Variants in CEP126 observed in about 807,000 individuals in gnomAD.
CEP126 encodes the protein centrosomal protein of 126 kDa.
CEP126 carries 74 observed loss-of-function variants against 107.8 expected under a neutral mutation model. That is an observed-to-expected ratio of 0.69 (90% CI 0.57 to 0.83). The LOEUF (loss-of-function observed/expected upper bound fraction) is 0.83, where lower values mean the gene tolerates loss of function less well. CEP126 is among the 40% of genes least tolerant of loss of function. CEP126 has a pLI of 0.00. For synonymous variants in CEP126, 449 were observed against 446.0 expected (o/e 1.01, Z -0.08); for missense variants, 1,237 against 1,281.9 (o/e 0.96, Z 0.53).
chr11:101,918,783 T>C lies in CEP126; in HGVS notation c.128+3371T>C, dbSNP rs12285671. 1.0e-2 allele frequency among the ~76,000 whole-genome samples: 1,518 copies of C among 152,282 alleles called. 26 individuals are homozygous for C. The highest frequency in any genetic ancestry group is 0.034 in the African/African-American group (1,431 of 41,548). On this transcript the variant is annotated intron_variant, in intron 1 of 10. Coordinates refer to ENST00000263468, the MANE Select transcript of CEP126 (RefSeq NM_020802.4). ...TACAGAAATGTAGAGAAGACACTTATCATGTACTCATGAAGGTGTCATCAA... is the reference window on the plus strand; with the variant it reads ...TACAGAAATGTAGAGAAGACACTTACCATGTACTCATGAAGGTGTCATCAA...
At chr11:101,958,418 G>T in intron 5 of CEP126, 52 bp downstream of exon 5, 2 of 1,529,068 alleles carry the variant, frequency 1.3e-6, no homozygotes, top group Non-Finnish European at 1.8e-6. Flanking sequence ...CACTAATTTT[G>T]CTCCACTTTT....
intron 8 of CEP126, among the ~76,000 whole-genome samples, chr11:101,983,567 G>A (rs1036210951): frequency 2.6e-5 from 4 of 152,156 alleles, no homozygotes; most frequent in Non-Finnish European, 5.9e-5. Context: ...TTAAGACACA[G>A]CATTATTTTT....
chr11:101,961,958 A>T lies in CEP126; in HGVS notation c.923A>T (p.His308Leu), dbSNP rs61742172. 16,490 of 1,610,206 alleles carry T rather than the reference A, an allele frequency of 0.01. 115 individuals are homozygous for T. Among genetic ancestry groups the T allele is most frequent in the Non-Finnish European group, 0.012 (13,752 of 1,178,174 alleles). ...AAACTGGCATTCTCTAAAACTCAAC[A>T]TATAAATAATTGGCTTACAAATTTA... The part of the protein sequence containing the change: ...EDKLAFSKTQ[H>L]INNWLTNLDA... Residue 308 changes from histidine (H) to leucine (L), a missense_variant, in exon 6 of 11, where the codon CAT becomes CTT. By Grantham distance (99) the His-to-Leu change is moderately conservative. Coordinates refer to ENST00000263468, the MANE Select transcript of CEP126 (RefSeq NM_020802.4).
chr11:101,963,789 T>C lies in CEP126; in HGVS notation c.2754T>C (p.Tyr918=), dbSNP rs772649480. Residue 918 remains tyrosine (Y), a synonymous_variant, in exon 6 of 11, where the codon TAT becomes TAC. Coordinates refer to ENST00000263468, the MANE Select transcript of CEP126 (RefSeq NM_020802.4). ...TQRSPVCEES[Y]PSVTLRTAEE... is the part of the protein sequence containing the mutation. The stretch of plus-strand genomic sequence containing the variant: ...GAAGTCCTGTTTGTGAAGAAAGTTA[T>C]CCGTCTGTGACTCTAAGAACTGCTG... The C allele has an allele frequency of 1.4e-5, 22 of 1,614,168 alleles. No individual in the cohort carries two copies. Among genetic ancestry groups the C allele is most frequent in the Non-Finnish European group, 1.8e-5 (21 of 1,180,016 alleles).
chr11:101,967,178 T>C (rs1941068256), intron 6 of CEP126, among the ~76,000 whole-genome samples: 1 of 151,806 alleles, frequency 6.6e-6, no homozygotes, highest in Non-Finnish European at 1.5e-5. Flanking sequence ...CACACCACCA[T>C]GCCCAACTAA....
chr11:101,986,769 T>C, intron 8 of CEP126, 63 bp from the exon 9 acceptor site: 1 of 1,168,752 alleles, frequency 8.6e-7, no homozygotes, highest in Non-Finnish European at 1.3e-6. Context: ...TATGTAAGTA[T>C]ATATAAGGGC....
chr11:101,930,428 T>C (rs1940479233), intron 2 of CEP126, among the ~76,000 whole-genome samples: 3 of 152,238 alleles, frequency 2.0e-5, no homozygotes, highest in Admixed American at 2.0e-4. Context: ...TCTGGTGGGT[T>C]CGTGGTCTCG....
At chr11:101,921,323 A>G (rs920418315) in intron 1 of CEP126, among the ~76,000 whole-genome samples, 25 of 152,204 alleles carry the variant, frequency 1.6e-4, no homozygotes, top group African/African-American at 6.0e-4. Context: ...CATTTACTCC[A>G]TCTACTTTCT....
At chr11:101,932,650 T>C (rs1591271673) in intron 2 of CEP126, among the ~76,000 whole-genome samples, 1 of 152,076 alleles carries the variant, frequency 6.6e-6, no homozygotes, top group Non-Finnish European at 1.5e-5. Flanking sequence ...CCTAGAGCAC[T>C]TTTTTTCCCC....
At chr11:101,931,881 A>T (rs1940505327) in intron 2 of CEP126, among the ~76,000 whole-genome samples, 1 of 152,248 alleles carries the variant, frequency 6.6e-6, no homozygotes. Flanking sequence ...CCATAGCTGT[A>T]GACCCCAGGA....
chr11:101,936,895 T>A lies in CEP126; in HGVS notation c.249-7370T>A, dbSNP rs187207575. Reference sequence around the variant, plus strand: ...ATGGATAACCCTCATTTGGTAATGATATGTTATTTTTATAAACTGCTGGAT... The same window carrying A: ...ATGGATAACCCTCATTTGGTAATGAAATGTTATTTTTATAAACTGCTGGAT... On this transcript the variant is annotated intron_variant, in intron 2 of 10. Coordinates refer to ENST00000263468, the MANE Select transcript of CEP126 (RefSeq NM_020802.4). Among the ~76,000 whole-genome samples, 378 of 152,342 alleles carry A rather than the reference T, an allele frequency of 2.5e-3. 1 individual carries two copies. The highest frequency in any genetic ancestry group is 8.4e-3 in the African/African-American group (351 of 41,578).
At chr11:101,966,355 AT>A (rs1198253512) in intron 6 of CEP126, among the ~76,000 whole-genome samples, 4 of 151,836 alleles carry the variant, frequency 2.6e-5, no homozygotes, top group Non-Finnish European at 4.4e-5. Flanking sequence ...CATTTGTGGG[AT>A]TTTTTTTCCT....
At chr11:101,955,408 G>A (rs1940871839) in intron 4 of CEP126, among the ~76,000 whole-genome samples, 1 of 152,102 alleles carries the variant, frequency 6.6e-6, no homozygotes, top group Non-Finnish European at 1.5e-5. Context: ...CTGTAGTGTG[G>A]CAGTTGATCC....
chr11:101,930,730 A>G (rs1218216618), intron 2 of CEP126, among the ~76,000 whole-genome samples: 3 of 152,172 alleles, frequency 2.0e-5, no homozygotes, highest in African/African-American at 7.2e-5. Flanking sequence ...TGATTGGGGC[A>G]TTACAATCCT....
chr11:101,995,360 C>T (rs1001866667), intron 10 of CEP126, among the ~76,000 whole-genome samples: 1 of 152,130 alleles, frequency 6.6e-6, no homozygotes, highest in African/African-American at 2.4e-5. Context: ...CACATAGAAA[C>T]ATGAACATGG....
chr11:101,975,054 G>A (rs1941177252), intron 6 of CEP126, among the ~76,000 whole-genome samples: 2 of 152,078 alleles, frequency 1.3e-5, no homozygotes, highest in African/African-American at 4.8e-5. Flanking sequence ...TAAAGATGAG[G>A]ACTTCTCAAG....
At chr11:101,916,826 A>G (rs1940222773) in intron 1 of CEP126, among the ~76,000 whole-genome samples, 1 of 152,206 alleles carries the variant, frequency 6.6e-6, no homozygotes, top group African/African-American at 2.4e-5. Context: ...ACAAATGCCA[A>G]AGAAAATATT....
At position 102,000,112 on chromosome 11, in the gene CEP126, G is replaced by A. The variant is rs1941490496; in HGVS notation, c.*2469G>A. On this transcript the variant is annotated 3_prime_UTR_variant, in exon 11 of 11. Coordinates refer to ENST00000263468, the MANE Select transcript of CEP126 (RefSeq NM_020802.4). Reference sequence around the variant, plus strand: ...GAGAATCGTTTGAACCCAGGAGGTAGAGGTTGCAGTGAGCTGAGATTGCAC... The same window carrying A: ...GAGAATCGTTTGAACCCAGGAGGTAAAGGTTGCAGTGAGCTGAGATTGCAC... The A allele has an allele frequency of 6.6e-6, 1 of 152,142 alleles. No homozygotes were observed. Among genetic ancestry groups the A allele is most frequent in the Non-Finnish European group, 1.5e-5 (1 of 68,046 alleles). 9.4% of individuals were successfully genotyped at this position (152,142 alleles called of 1,614,324 possible).
At chr11:101,937,460 A>T (rs1410815635) in intron 2 of CEP126, among the ~76,000 whole-genome samples, 1 of 152,206 alleles carries the variant, frequency 6.6e-6, no homozygotes, top group African/African-American at 2.4e-5. Flanking sequence ...TTCAGTCTTC[A>T]TGTCAGTACT....
Sources: gnomAD v4.1 joint callset for allele counts (sites outside exome capture counted in the v4.1 genomes callset) on GRCh38, gnomAD v4.1.1 for gene constraint, MANE v1.5 for transcripts, NCBI Gene and HGNC (gene_info 2026-07-23, HGNC 2026-07-21) for gene names.